The following REPS2 variants were observed in gnomAD, a reference collection of about 807,000 sequenced individuals.
REPS2 encodes the protein ralBP1-associated Eps domain-containing protein 2.
Under a neutral mutation model 53.6 loss-of-function variants are expected in REPS2, and 23 were observed. The ratio of observed to expected loss-of-function variants is 0.43; its 90% CI spans 0.31 to 0.61. REPS2 has a LOEUF of 0.61. Ranked by LOEUF, REPS2 falls within the 20% of genes least tolerant of loss-of-function variation. The pLI is 0.11. For synonymous variants in REPS2, 238 were observed against 218.6 expected (o/e 1.09, Z -0.78); for missense variants, 446 against 534.9 (o/e 0.83, Z 1.64).
chrX:17,132,151 A>G (rs755990347), intron 14 of REPS2, among the ~76,000 whole-genome samples: 5 of 112,127 alleles, frequency 4.5e-5, no homozygotes, highest in African/African-American at 9.7e-5. Context: ...CTGTTTAACA[A>G]CTTTTCATGA....
chrX:16,964,904 A>G (rs745767011), intron 1 of REPS2, among the ~76,000 whole-genome samples: 2 of 23,779 alleles, frequency 8.4e-5, no homozygotes, highest in Non-Finnish European at 1.5e-4. Context: ...GCGGCTGGCC[A>G]GGTGGGGGGC....
intron 12 of REPS2, among the ~76,000 whole-genome samples, chrX:17,076,313 C>T (rs2062380729): frequency 8.9e-6 from 1 of 111,746 alleles, no homozygotes; most frequent in South Asian, 3.8e-4. Flanking sequence ...TCGTTTTCTG[C>T]TTTGACATGA....
At chrX:17,129,569 C>T (rs1027414765) in intron 14 of REPS2, among the ~76,000 whole-genome samples, 2 of 111,947 alleles carry the variant, frequency 1.8e-5, no homozygotes, top group African/African-American at 3.2e-5. Flanking sequence ...GGTCTGTTAC[C>T]AGACATAGAG....
chrX:17,184,161 A>C, the REPS2 span, among the ~76,000 whole-genome samples: 1 of 105,117 alleles, frequency 9.5e-6, no homozygotes, highest in Non-Finnish European at 2.0e-5. Flanking sequence ...TATATCTCCC[A>C]GTGCTATCAC....
At chrX:17,062,805 T>G (rs780600399) in intron 9 of REPS2, among the ~76,000 whole-genome samples, 1 of 111,949 alleles carries the variant, frequency 8.9e-6, no homozygotes, top group Non-Finnish European at 1.9e-5. Context: ...AGATGTGAAA[T>G]GTAGATATAG....
intron 17 of REPS2, among the ~76,000 whole-genome samples, chrX:17,146,166 A>G (rs911239952): frequency 2.8e-5 from 3 of 109,084 alleles, no homozygotes; most frequent in Non-Finnish European, 5.7e-5. Flanking sequence ...CTACATTTCC[A>G]TACTATTTCC....
chrX:17,171,531 T>C, the REPS2 span, among the ~76,000 whole-genome samples: 1 of 111,589 alleles, frequency 9.0e-6, no homozygotes, highest in African/African-American at 3.3e-5. Flanking sequence ...ATAATTATAA[T>C]TTTTTTGAGA....
chrX:16,982,748 C>G (rs2061034133), intron 1 of REPS2, among the ~76,000 whole-genome samples: 2 of 112,071 alleles, frequency 1.8e-5, no homozygotes, highest in African/African-American at 6.5e-5. Context: ...GGTGGTTTGC[C>G]TCATCTCTTT....
chrX:17,073,640 G>GT (rs1386580247), intron 11 of REPS2, among the ~76,000 whole-genome samples: 1 of 108,440 alleles, frequency 9.2e-6, no homozygotes, highest in African/African-American at 3.3e-5. Context: ...TGAGAGCTTT[G>GT]TTTTTTTGTG....
the REPS2 span, among the ~76,000 whole-genome samples, chrX:17,188,040 G>A: frequency 8.9e-6 from 1 of 111,803 alleles, no homozygotes. Flanking sequence ...CTGAGTTCAA[G>A]TTTCTTCTTG....
chrX:17,087,949 GAT>G (rs2062561819), intron 13 of REPS2, among the ~76,000 whole-genome samples: 1 of 107,103 alleles, frequency 9.3e-6, no homozygotes, highest in African/African-American at 3.4e-5. Context: ...TAGATAGATA[GAT>G]AGATAGATAG....
At chrX:17,012,362 G>A (rs1470923499) in intron 2 of REPS2, among the ~76,000 whole-genome samples, 1 of 98,873 alleles carries the variant, frequency 1.0e-5, no homozygotes, top group Admixed American at 1.1e-4. Context: ...CTGGGCGACA[G>A]AGCGAGATGC....
At chrX:17,070,298 T>C (rs1378690477) in intron 11 of REPS2, among the ~76,000 whole-genome samples, 4 of 112,222 alleles carry the variant, frequency 3.6e-5, no homozygotes, top group African/African-American at 1.3e-4. Context: ...GTTGAGATGA[T>C]TTCAACAAGC....
the REPS2 span, among the ~76,000 whole-genome samples, chrX:17,193,737 G>A: frequency 9.0e-6 from 1 of 111,220 alleles, no homozygotes; most frequent in African/African-American, 3.3e-5. Flanking sequence ...CCACTCCCCT[G>A]ATACACTTGC....
intron 13 of REPS2, among the ~76,000 whole-genome samples, chrX:17,087,924 C>CGATAGATAGATAGATA (rs35140640): frequency 3.8e-4 from 35 of 91,302 alleles, no homozygotes; most frequent in Admixed American, 8.6e-4. Context: ...GAGACTCTGT[C>CGATAGATAGATAGATA]GATAGATAGA....
chrX:17,028,168 G>A (rs1445081928), intron 4 of REPS2, among the ~76,000 whole-genome samples: 1 of 111,615 alleles, frequency 9.0e-6, no homozygotes, highest in Non-Finnish European at 1.9e-5. Flanking sequence ...TCCCCCATGT[G>A]TCTCCCCTGG....
intron 14 of REPS2, among the ~76,000 whole-genome samples, chrX:17,128,386 G>A (rs1353625729): frequency 4.7e-5 from 5 of 106,911 alleles, no homozygotes; most frequent in Non-Finnish European, 9.6e-5. Context: ...CTCTAAGTCA[G>A]TCATTATAGG....
At chrX:17,065,986 G>C (rs1487586044) in intron 9 of REPS2, among the ~76,000 whole-genome samples, 1 of 111,309 alleles carries the variant, frequency 9.0e-6, no homozygotes, top group African/African-American at 3.3e-5. Context: ...TTATTTTTTT[G>C]TATGTGGATT....
chrX:17,180,887 G>A, the REPS2 span, among the ~76,000 whole-genome samples: 1 of 111,762 alleles, frequency 8.9e-6, no homozygotes, highest in Non-Finnish European at 1.9e-5. Flanking sequence ...AGAGTGCCAG[G>A]ATTGTTACCC....
Sources: gnomAD v4.1 joint callset for allele counts (sites outside exome capture counted in the v4.1 genomes callset) on GRCh38, gnomAD v4.1.1 for gene constraint, MANE v1.5 for transcripts, NCBI Gene and HGNC (gene_info 2026-07-23, HGNC 2026-07-21) for gene names.